Variants in SLCO2B1 observed in about 807,000 individuals in gnomAD.
The protein encoded by SLCO2B1 is solute carrier organic anion transporter family member 2B1, also known as OATP-RP2.
In SLCO2B1, 41 loss-of-function variants were observed where a neutral mutation model predicts 67.3. That is an observed-to-expected ratio of 0.61 (90% CI 0.47 to 0.79). SLCO2B1 has a LOEUF of 0.79. SLCO2B1 is among the 30% of genes least tolerant of loss of function. The pLI, the probability that SLCO2B1 is intolerant of heterozygous loss-of-function variation, is 0.00. For synonymous variants in SLCO2B1, 379 were observed against 381.4 expected, an observed-to-expected ratio of 0.99 and a Z score of 0.07; for missense variants, 837 against 920.1, an observed-to-expected ratio of 0.91 and a Z score of 1.17.
chr11:75,200,620 A>C, intron 11 of SLCO2B1: 1 of 455,148 alleles, frequency 2.2e-6, no homozygotes, highest in South Asian at 4.1e-5. Flanking sequence ...GGCCCCCATC[A>C]CATAGCAAGT....
rs1341747695 is a variant in SLCO2B1, at chr11:75,159,040, G to A, written c.17-3615G>A. 5.3e-5 allele frequency among the ~76,000 whole-genome samples: 8 copies of A among 152,224 alleles called. 1 individual carries two copies. The highest frequency in any genetic ancestry group is 1.2e-4 in the Non-Finnish European group (8 of 68,034). Reference sequence around the variant, plus strand: ...GAGTCTCTGACTGACCAGATACCTGGGAAACGAAGTTTGTGGCTGACAGAC... The same window carrying A: ...GAGTCTCTGACTGACCAGATACCTGAGAAACGAAGTTTGTGGCTGACAGAC... On this transcript the variant is annotated intron_variant, in intron 1 of 13. Transcript: ENST00000289575.
intron 7 of SLCO2B1, among the ~76,000 whole-genome samples, chr11:75,178,128 A>G (rs958616234): frequency 1.3e-5 from 2 of 151,904 alleles, no homozygotes; most frequent in Non-Finnish European, 2.9e-5. Flanking sequence ...AAAACTCCAA[A>G]CGCAAGTTCT....
At chr11:75,197,343 G>T (rs1266545029) in intron 10 of SLCO2B1, among the ~76,000 whole-genome samples, 1 of 152,238 alleles carries the variant, frequency 6.6e-6, no homozygotes, top group Non-Finnish European at 1.5e-5. Flanking sequence ...ATGGGAAGTG[G>T]CATTTGTGCC....
In SLCO2B1 at chr11:75,203,430, G is replaced by A. The variant is rs1470316063; in HGVS notation, c.1949+3G>A. The stretch of plus-strand genomic sequence containing the variant: ...AATAATGACCTGCTCCGAAACCGGT[G>A]AGACCTGGTTTGATGGCTTGTGGGA... On this transcript the variant is annotated splice_donor_region_variant and intron_variant, in intron 13 of 13. Coordinates refer to ENST00000289575, the MANE Select transcript of SLCO2B1 (RefSeq NM_007256.5). 3.7e-6 allele frequency: 6 copies of A among 1,614,146 alleles called. No individual in the cohort carries two copies. The highest frequency in any genetic ancestry group is 5.1e-6 in the Non-Finnish European group (6 of 1,179,994).
intron 6 of SLCO2B1, 65 bp downstream of exon 6, chr11:75,169,829 T>C (rs1287207205): frequency 8.7e-6 from 12 of 1,377,924 alleles, no homozygotes; most frequent in East Asian, 2.3e-5. Flanking sequence ...ATAGGAGACA[T>C]TGAGCCAGGG....
chr11:75,170,950 A>G, intron 6 of SLCO2B1, among the ~76,000 whole-genome samples: 1 of 151,676 alleles, frequency 6.6e-6, no homozygotes, highest in Non-Finnish European at 1.5e-5. Context: ...CCACCTCGAA[A>G]CTCCCTTCTC....
intron 7 of SLCO2B1, among the ~76,000 whole-genome samples, chr11:75,185,334 A>G (rs1950136439): frequency 6.6e-6 from 1 of 152,128 alleles, no homozygotes. Context: ...CAGAACCAGG[A>G]AGCCCAAATG....
In SLCO2B1 at chr11:75,169,398, T is replaced by G; in HGVS notation, c.674T>G (p.Leu225Arg). The change falls in exon 5 of 14, where the codon CTC becomes CGC. Residue 225 changes from leucine (L) to arginine (R), a missense_variant. Transcript: ENST00000289575. The part of the protein sequence containing the change: ...DDFAHNSNSP[L>R]YLGILFAVTM... Reference sequence around the variant, plus strand: ...TTTGCCCACAACAGCAACTCGCCCCTCTACCTCGGTGAGGACCAGTGCCAT... The same window carrying G: ...TTTGCCCACAACAGCAACTCGCCCCGCTACCTCGGTGAGGACCAGTGCCAT... 6.3e-7 allele frequency: 1 copy of G among 1,593,342 alleles called. No individual in the cohort carries two copies. The highest frequency in any genetic ancestry group is 1.1e-5 in the South Asian group (1 of 88,798).
chr11:75,162,703 C>CAGA lies in SLCO2B1; in HGVS notation c.66_67insGAA (p.Thr22_Met23insGlu), dbSNP rs1252275973. 6.2e-7 allele frequency: 1 copy of CAGA among 1,613,614 alleles called. No homozygotes were observed. Among genetic ancestry groups the CAGA allele is most frequent in the Non-Finnish European group, 8.5e-7 (1 of 1,179,960 alleles). ...GTACCAGACAAGGAAACCAAAGCCA[C>CAGA]AATGGGCACAGAAAACACACCTGGA... On this transcript the variant is annotated inframe_insertion, in exon 2 of 14. Coordinates refer to ENST00000289575, the MANE Select transcript of SLCO2B1 (RefSeq NM_007256.5).
intron 7 of SLCO2B1, among the ~76,000 whole-genome samples, chr11:75,183,498 G>A (rs1377557812): frequency 6.6e-6 from 1 of 152,182 alleles, no homozygotes; most frequent in Non-Finnish European, 1.5e-5. Context: ...CATCAGGGCT[G>A]TCTGACTCAG....
rs541599447 is a variant in SLCO2B1, at chr11:75,175,868, C to G, written c.972+3299C>G. On this transcript the variant is annotated intron_variant, in intron 7 of 13. Coordinates refer to ENST00000289575, the MANE Select transcript of SLCO2B1 (RefSeq NM_007256.5). Reference sequence around the variant, plus strand: ...TGGCCATGATTATGGGATTCTCTGCCTGGGGGGCAGGGGGCAATAGCAGTC... The same window carrying G: ...TGGCCATGATTATGGGATTCTCTGCGTGGGGGGCAGGGGGCAATAGCAGTC... Among the ~76,000 whole-genome samples the G allele has an allele frequency of 3.2e-4, 48 of 152,292 alleles. 1 individual carries two copies. Among genetic ancestry groups the G allele is most frequent in the Non-Finnish European group, 4.1e-4 (28 of 68,020 alleles).
chr11:75,185,573 CTCA>C (rs533362580), intron 7 of SLCO2B1, among the ~76,000 whole-genome samples: 35 of 129,248 alleles, frequency 2.7e-4, no homozygotes, highest in Non-Finnish European at 5.2e-4. Context: ...GTGGCATGAT[CTCA>C]GCTCACTGCA....
chr11:75,166,264 C>T (rs1949891201), intron 4 of SLCO2B1, among the ~76,000 whole-genome samples: 1 of 152,156 alleles, frequency 6.6e-6, no homozygotes, highest in East Asian at 1.9e-4. Context: ...AGTAGACCCT[C>T]CGGAATTGCG....
intron 7 of SLCO2B1, among the ~76,000 whole-genome samples, chr11:75,173,780 GA>G (rs1337449354): frequency 6.6e-6 from 1 of 152,132 alleles, no homozygotes; most frequent in Non-Finnish European, 1.5e-5. Flanking sequence ...AAATTAAAAA[GA>G]AAATGACAAA....
In SLCO2B1 at chr11:75,188,195, A is replaced by C. The variant is rs1260097550; in HGVS notation, c.1032A>C (p.Leu344=). 1.2e-6 allele frequency: 2 copies of C among 1,614,142 alleles called. No individual in the cohort carries two copies. The highest frequency in any genetic ancestry group is 1.7e-6 in the Non-Finnish European group (2 of 1,179,972). ...PGESTKKQDG[L]VQIAPNLTVI... ...AGTCCACGAAGAAGCAGGATGGCCT[A>C]GTCCAGATTGCACCAAACCTGACTG... The change falls in exon 8 of 14, where the codon CTA becomes CTC. Residue 344 remains leucine (L), a synonymous_variant. Transcript: ENST00000289575.
chr11:75,167,083 C>A (rs1202801886), intron 4 of SLCO2B1, among the ~76,000 whole-genome samples: 1 of 152,088 alleles, frequency 6.6e-6, no homozygotes, highest in Non-Finnish European at 1.5e-5. Context: ...GCCATTAGAG[C>A]CCTGAATAGG....
rs368436347 is a variant in SLCO2B1 at position 75,200,422 on chromosome 11, C to T, written c.1763+35C>T. On this transcript the variant is annotated intron_variant, in intron 11 of 13. Coordinates refer to ENST00000289575, the MANE Select transcript of SLCO2B1 (RefSeq NM_007256.5). ...GGGGTGGGGCAGGGGCAGGTGGATA[C>T]CAGGAGGTCCTTAACCACAGGCAGA... 92 of 1,542,694 alleles carry T rather than the reference C, an allele frequency of 6.0e-5. No homozygotes were observed. The Middle Eastern group carries it at 6.9e-4, about 12-fold the overall frequency.
intron 8 of SLCO2B1, among the ~76,000 whole-genome samples, chr11:75,192,919 C>T (rs1342199094): frequency 1.3e-5 from 2 of 152,128 alleles, no homozygotes; most frequent in Non-Finnish European, 2.9e-5. Flanking sequence ...TGGTGCACAC[C>T]TGTAGTTTCA....
chr11:75,185,634 CG>C (rs948912271), intron 7 of SLCO2B1, among the ~76,000 whole-genome samples: 3 of 149,696 alleles, frequency 2.0e-5, no homozygotes, highest in Non-Finnish European at 4.4e-5. Context: ...AGAGGGTTCT[CG>C]GCTCTCACAC....
Sources: gnomAD v4.1 joint callset for allele counts (sites outside exome capture counted in the v4.1 genomes callset) on GRCh38, gnomAD v4.1.1 for gene constraint, MANE v1.5 for transcripts, NCBI Gene and HGNC (gene_info 2026-07-23, HGNC 2026-07-21) for gene names.